Variants in IGSF21 observed in about 807,000 individuals in gnomAD.
IGSF21 encodes the protein immunoglobulin superfamily member 21.
In IGSF21, 28 loss-of-function variants were observed where a neutral mutation model predicts 46.8. The observed-to-expected ratio is 0.60, with a 90% CI of 0.44 to 0.82. The LOEUF is 0.82. Among genes scored for constraint, IGSF21 ranks in the 40% least tolerant of loss-of-function variants. The probability of loss-of-function intolerance (pLI) is 0.00; values close to 1 mark genes in which losing one functional copy is unlikely to be tolerated. For synonymous variants in IGSF21, 284 were observed against 273.6 expected (o/e 1.04, Z -0.38); for missense variants, 624 against 665.5 (o/e 0.94, Z 0.69).
intron 1 of IGSF21, among the ~76,000 whole-genome samples, chr1:18,212,923 T>C (rs1570343463): frequency 6.6e-6 from 1 of 152,198 alleles, no homozygotes; most frequent in Non-Finnish European, 1.5e-5. Context: ...GGCTGTCAGA[T>C]GAAAGACGGT....
chr1:18,240,313 C>T (rs769985586), intron 2 of IGSF21, among the ~76,000 whole-genome samples: 14 of 152,162 alleles, frequency 9.2e-5, no homozygotes, highest in Non-Finnish European at 1.8e-4. Context: ...AAAACAAATA[C>T]GCAAAACAAG....
intron 6 of IGSF21, among the ~76,000 whole-genome samples, chr1:18,371,770 C>T (rs950117761): frequency 6.6e-6 from 1 of 152,162 alleles, no homozygotes; most frequent in Admixed American, 6.5e-5. Context: ...TCCTTGAACA[C>T]TCTATCTAAA....
At chr1:18,336,391 C>A (rs2085766542) in intron 4 of IGSF21, among the ~76,000 whole-genome samples, 1 of 152,178 alleles carries the variant, frequency 6.6e-6, no homozygotes, top group Non-Finnish European at 1.5e-5. Flanking sequence ...TCCTCACAAC[C>A]AATCCAAGGG....
At chr1:18,181,135 G>T (rs903118983) in intron 1 of IGSF21, among the ~76,000 whole-genome samples, 1 of 152,156 alleles carries the variant, frequency 6.6e-6, no homozygotes, top group Admixed American at 6.5e-5. Flanking sequence ...CCTCCTCCTA[G>T]TCCCCGGCTC....
intron 1 of IGSF21, among the ~76,000 whole-genome samples, chr1:18,154,956 C>A (rs906798131): frequency 2.6e-4 from 39 of 152,034 alleles, no homozygotes; most frequent in African/African-American, 9.2e-4. Flanking sequence ...CTGTGAAGTG[C>A]AGGAGGGGAG....
intron 1 of IGSF21, among the ~76,000 whole-genome samples, chr1:18,142,083 T>A (rs2086419981): frequency 6.6e-6 from 1 of 152,144 alleles, no homozygotes; most frequent in South Asian, 2.1e-4. Flanking sequence ...AATTTTTATA[T>A]GTATATGTAT....
At chr1:18,226,854 G>A (rs750549167) in intron 1 of IGSF21, among the ~76,000 whole-genome samples, 4 of 152,196 alleles carry the variant, frequency 2.6e-5, no homozygotes, top group African/African-American at 4.8e-5. Context: ...GCAGGAAGCC[G>A]ATCAGATGAG....
chr1:18,244,047 C>CTGAGGG (rs1478661532), intron 2 of IGSF21, among the ~76,000 whole-genome samples: 5 of 152,250 alleles, frequency 3.3e-5, no homozygotes, highest in African/African-American at 1.2e-4. Context: ...CGCTTGTTAT[C>CTGAGGG]TGAGGGTGAC....
chr1:18,362,110 G>A lies in IGSF21; in HGVS notation c.425-5G>A. On this transcript the variant is annotated splice_region_variant and splice_polypyrimidine_tract_variant and intron_variant, in intron 4 of 9. Transcript: ENST00000251296. ...CTTGTCTTCCTGTGCTTCCTTTTGG[G>A]GCAGCTCCTCCCACCTCCATTGAAG... 1 of 1,597,470 alleles carries A rather than the reference G, an allele frequency of 6.3e-7. No individual in the cohort carries two copies.
intron 4 of IGSF21, among the ~76,000 whole-genome samples, chr1:18,340,531 T>C (rs1248969374): frequency 6.6e-6 from 1 of 152,198 alleles, no homozygotes; most frequent in Non-Finnish European, 1.5e-5. Context: ...AGGTCCTTGC[T>C]CCCTGGACTC....
At chr1:18,217,384 G>A (rs908834557) in intron 1 of IGSF21, among the ~76,000 whole-genome samples, 1 of 152,194 alleles carries the variant, frequency 6.6e-6, no homozygotes, top group African/African-American at 2.4e-5. Context: ...GTGATACACG[G>A]CAGACACTTC....
Position 18,213,248 on chromosome 1 carries a change from G to A in IGSF21, c.71-14650G>A, listed in dbSNP as rs1043571381. Among the ~76,000 whole-genome samples the A allele has an allele frequency of 2.6e-5, 4 of 151,998 alleles. No homozygotes were observed. The East Asian group carries it at 5.8e-4, about 22-fold the overall frequency. Reference sequence around the variant, plus strand: ...CATTCACTTTTTTTCCACCAAGAACGTTATTGAATTCCCACTGTATGCAAT... The same window carrying A: ...CATTCACTTTTTTTCCACCAAGAACATTATTGAATTCCCACTGTATGCAAT... On this transcript the variant is annotated intron_variant, in intron 1 of 9. Coordinates refer to ENST00000251296, the MANE Select transcript of IGSF21 (RefSeq NM_032880.5).
At chr1:18,357,569 A>T (rs534585561) in intron 4 of IGSF21, among the ~76,000 whole-genome samples, 9 of 152,034 alleles carry the variant, frequency 5.9e-5, no homozygotes, top group Non-Finnish European at 1.2e-4. Context: ...GCCTAAGTGA[A>T]GGAAGGCTTT....
intron 1 of IGSF21, among the ~76,000 whole-genome samples, chr1:18,159,076 C>T (rs1189843450): frequency 1.3e-5 from 2 of 152,190 alleles, no homozygotes; most frequent in Admixed American, 6.5e-5. Flanking sequence ...CGCCTCTCTG[C>T]CCATCCCCTG....
At chr1:18,317,117 T>C (rs1048691241) in intron 3 of IGSF21, among the ~76,000 whole-genome samples, 2 of 152,218 alleles carry the variant, frequency 1.3e-5, no homozygotes, top group Non-Finnish European at 2.9e-5. Context: ...CCCTCTAGGC[T>C]TTGGGCAGGG....
In IGSF21 at chr1:18,290,723, A is replaced by G. The variant is rs2124564598; in HGVS notation, c.184-1143A>G. On this transcript the variant is annotated intron_variant, in intron 2 of 9. Coordinates refer to ENST00000251296, the MANE Select transcript of IGSF21 (RefSeq NM_032880.5). This position sits in a 1 kb window ranked among gnomAD's most constrained non-coding sequence, Gnocchi z 4.2. Reference sequence around the variant, plus strand: ...TAGGGCCAGTACTCCCAGGCAGGTGACAGGGGGACAGATTCACACTCCAAT... The same window carrying G: ...TAGGGCCAGTACTCCCAGGCAGGTGGCAGGGGGACAGATTCACACTCCAAT... Among the ~76,000 whole-genome samples, 1 of 152,256 alleles carries G rather than the reference A, an allele frequency of 6.6e-6. No homozygotes were observed. Among genetic ancestry groups the G allele is most frequent in the African/African-American group, 2.4e-5 (1 of 41,566 alleles).
rs551784093 is a variant in IGSF21 at position 18,198,274 on chromosome 1, C to A, written c.71-29624C>A. Reference sequence around the variant, plus strand: ...GAACTTGGGGGAGAGTGCCCAGAGCCAGCTCCAGGGAGTAGGACCTGCCCA... The same window carrying A: ...GAACTTGGGGGAGAGTGCCCAGAGCAAGCTCCAGGGAGTAGGACCTGCCCA... On this transcript the variant is annotated intron_variant, in intron 1 of 9. Transcript: ENST00000251296. Among the ~76,000 whole-genome samples the A allele has an allele frequency of 3.9e-5, 6 of 152,290 alleles. No homozygotes were observed. The South Asian group carries it at 1.2e-3, about 32-fold the overall frequency.
At chr1:18,330,259 T>G (rs560198045) in intron 3 of IGSF21, among the ~76,000 whole-genome samples, 1 of 152,114 alleles carries the variant, frequency 6.6e-6, no homozygotes, top group Admixed American at 6.5e-5. Flanking sequence ...TTGGTCAAAA[T>G]CAAAGCTGTG....
intron 2 of IGSF21, among the ~76,000 whole-genome samples, chr1:18,240,385 C>A (rs1171341990): frequency 1.3e-5 from 2 of 152,258 alleles, no homozygotes; most frequent in African/African-American, 4.8e-5. Flanking sequence ...ACATGAAAGA[C>A]TGTCAAATAA....
Sources: gnomAD v4.1 joint callset for allele counts (sites outside exome capture counted in the v4.1 genomes callset) on GRCh38, gnomAD v4.1.1 for gene constraint, Gnocchi (gnomAD v3.1) non-coding constraint, MANE v1.5 for transcripts, NCBI Gene and HGNC (gene_info 2026-07-23, HGNC 2026-07-21) for gene names.